The following PTPRD variants were observed in gnomAD, a reference collection of about 807,000 sequenced individuals.
PTPRD encodes the protein protein tyrosine phosphatase receptor type D.
Under a neutral mutation model 214.5 loss-of-function variants are expected in PTPRD, and 34 were observed. The observed-to-expected ratio is 0.16, with a 90% CI of 0.12 to 0.21. The LOEUF is 0.21. Ranked by LOEUF, PTPRD falls within the 10% of genes least tolerant of loss-of-function variation. PTPRD has a pLI of 1.00. For synonymous variants in PTPRD, 1,128 were observed against 845.7 expected (o/e 1.33, Z -5.79); for missense variants, 2,545 against 2,398.7 (o/e 1.06, Z -1.27).
In PTPRD at chr9:9,239,987, A is replaced by C. The variant is rs986318236; in HGVS notation, c.-202-56624T>G. ...AGTCTCAGAGGCCTTGGTTAAGACAAGGCTAGCTAACACAGATTTGGATTG... is the reference window on the plus strand; with the variant it reads ...AGTCTCAGAGGCCTTGGTTAAGACACGGCTAGCTAACACAGATTTGGATTG... On this transcript the variant is annotated intron_variant, in intron 9 of 45. Transcript: ENST00000381196. 3.3e-5 allele frequency among the ~76,000 whole-genome samples: 5 copies of C among 152,198 alleles called. No individual in the cohort carries two copies. The South Asian group carries it at 1.0e-3, about 32-fold the overall frequency.
intron 3 of PTPRD, among the ~76,000 whole-genome samples, chr9:10,205,345 T>C (rs2099465328): frequency 1.3e-5 from 2 of 151,828 alleles, no homozygotes; most frequent in Non-Finnish European, 2.9e-5. Flanking sequence ...GATTCCTTTT[T>C]GTGGCCACAA....
At chr9:8,754,381 A>G (rs573051695) in intron 11 of PTPRD, among the ~76,000 whole-genome samples, 3 of 152,334 alleles carry the variant, frequency 2.0e-5, no homozygotes, top group South Asian at 2.1e-4. Context: ...AGAAATTAAG[A>G]TGGTGAAGTG....
chr9:8,829,717 T>G (rs1012515917), intron 11 of PTPRD, among the ~76,000 whole-genome samples: 14 of 152,262 alleles, frequency 9.2e-5, no homozygotes, highest in Admixed American at 9.2e-4. Context: ...GAGATATATT[T>G]TGACAGCACA....
intron 9 of PTPRD, among the ~76,000 whole-genome samples, chr9:9,369,109 G>A (rs2058703815): frequency 6.6e-6 from 1 of 152,038 alleles, no homozygotes; most frequent in Admixed American, 6.6e-5. Context: ...TTTTATGGCT[G>A]CATAGTATTC....
intron 4 of PTPRD, among the ~76,000 whole-genome samples, chr9:9,985,305 CATG>C (rs1189934046): frequency 1.3e-5 from 2 of 152,084 alleles, no homozygotes; most frequent in Non-Finnish European, 2.9e-5. Flanking sequence ...ACTCTTTTTT[CATG>C]ATTTTATAAT....
intron 9 of PTPRD, among the ~76,000 whole-genome samples, chr9:9,309,342 C>CA (rs143235291): frequency 0.13 from 19,080 of 150,658 alleles, 1,524 homozygotes; most frequent in Non-Finnish European, 0.18. Flanking sequence ...AAACCAACAA[C>CA]AAAAAAAACA....
At chr9:9,404,990 T>C (rs902816973) in intron 8 of PTPRD, among the ~76,000 whole-genome samples, 2 of 152,080 alleles carry the variant, frequency 1.3e-5, no homozygotes, top group South Asian at 2.1e-4. Context: ...AAAATCATGT[T>C]TATTTCCCCA....
chr9:10,161,014 G>T (rs2099124307), intron 3 of PTPRD, among the ~76,000 whole-genome samples: 1 of 151,752 alleles, frequency 6.6e-6, no homozygotes, highest in Admixed American at 6.6e-5. Flanking sequence ...TTTAACCAAA[G>T]ATATAAAAAT....
intron 7 of PTPRD, among the ~76,000 whole-genome samples, chr9:9,704,261 T>G (rs558374800): frequency 6.6e-6 from 1 of 152,284 alleles, no homozygotes; most frequent in East Asian, 1.9e-4. Flanking sequence ...TTTTTTCTTT[T>G]TTTTTGTCAC....
intron 2 of PTPRD, among the ~76,000 whole-genome samples, chr9:10,591,053 C>G (rs983698298): frequency 1.3e-5 from 2 of 151,768 alleles, no homozygotes; most frequent in Non-Finnish European, 2.9e-5. Context: ...TACTTACAAT[C>G]CCAAGGAAAA....
intron 3 of PTPRD, among the ~76,000 whole-genome samples, chr9:10,093,620 C>A (rs1260356083): frequency 6.6e-6 from 1 of 151,492 alleles, no homozygotes; most frequent in African/African-American, 2.4e-5. Context: ...ATACATTGTT[C>A]TATCAAAAAG....
intron 5 of PTPRD, among the ~76,000 whole-genome samples, chr9:9,911,803 A>G (rs999884014): frequency 2.0e-5 from 3 of 152,120 alleles, no homozygotes; most frequent in African/African-American, 4.8e-5. Flanking sequence ...TGTTAATAAA[A>G]TAATTCATTT....
chr9:8,905,218 G>C (rs756221082), intron 11 of PTPRD, among the ~76,000 whole-genome samples: 3 of 151,980 alleles, frequency 2.0e-5, no homozygotes, highest in African/African-American at 7.3e-5. Flanking sequence ...CAGTTCCAAA[G>C]TAAAGCATTC....
intron 8 of PTPRD, among the ~76,000 whole-genome samples, chr9:9,484,853 T>G (rs549682252): frequency 6.6e-6 from 1 of 152,322 alleles, no homozygotes; most frequent in African/African-American, 2.4e-5. Flanking sequence ...GTTTTTATTT[T>G]GTAGAGAAGC....
chr9:8,548,995 G>C (rs544057555), intron 14 of PTPRD, among the ~76,000 whole-genome samples: 1 of 152,100 alleles, frequency 6.6e-6, no homozygotes, highest in African/African-American at 2.4e-5. Context: ...CCGGGCCACA[G>C]CTGGATATTT....
chr9:9,520,010 T>C (rs537354075), intron 8 of PTPRD, among the ~76,000 whole-genome samples: 39 of 152,110 alleles, frequency 2.6e-4, no homozygotes, highest in Admixed American at 1.1e-3. Flanking sequence ...GGCCTATGTA[T>C]GTAGACTTTC....
intron 2 of PTPRD, among the ~76,000 whole-genome samples, chr9:10,397,775 G>A (rs376606382): frequency 4.6e-5 from 7 of 152,044 alleles, no homozygotes; most frequent in African/African-American, 1.7e-4. Flanking sequence ...AGGGGTATTT[G>A]AGCTGGAGGA....
chr9:10,444,573 A>G (rs1172406057), intron 2 of PTPRD, among the ~76,000 whole-genome samples: 1 of 151,882 alleles, frequency 6.6e-6, no homozygotes, highest in African/African-American at 2.4e-5. Context: ...ATATTCCACT[A>G]AAGACAAGAT....
In PTPRD at chr9:8,753,128, T is replaced by A. The variant is rs76240979; in HGVS notation, c.-103-19182A>T. The stretch of plus-strand genomic sequence containing the variant: ...TTCAGATCTTTAAAGTAAGGTACGT[T>A]ATTCTGTGATTTAGAATATCAGAAC... On this transcript the variant is annotated intron_variant, in intron 11 of 45. Coordinates refer to ENST00000381196, the MANE Select transcript of PTPRD (RefSeq NM_002839.4). Among the ~76,000 whole-genome samples the A allele has an allele frequency of 4.2e-3, 637 of 152,326 alleles. 4 individuals are homozygous for A. The highest frequency in any genetic ancestry group is 0.014 in the African/African-American group (587 of 41,586).
Sources: gnomAD v4.1 joint callset for allele counts (sites outside exome capture counted in the v4.1 genomes callset) on GRCh38, gnomAD v4.1.1 for gene constraint, MANE v1.5 for transcripts, NCBI Gene and HGNC (gene_info 2026-07-23, HGNC 2026-07-21) for gene names.